SERPINB7: variants seen among roughly 807,000 people sequenced by gnomAD.
SERPINB7 encodes the protein serpin family B member 7, also known as serpin B7.
In SERPINB7, 31 loss-of-function variants were observed where a neutral mutation model predicts 37.4. The observed-to-expected ratio is 0.83, with a 90% CI of 0.62 to 1.12. The LOEUF (loss-of-function observed/expected upper bound fraction) is 1.12, where lower values mean the gene tolerates loss of function less well. Ranked by LOEUF, SERPINB7 falls within the 50% of genes most tolerant of loss-of-function variation. The probability of loss-of-function intolerance (pLI) is 0.00; values close to 1 mark genes in which losing one functional copy is unlikely to be tolerated. For missense variants in SERPINB7, 521 were observed against 455.3 expected (o/e 1.14, Z -1.31); for synonymous variants, 163 against 166.1 (o/e 0.98, Z 0.14).
chr18:63,770,804 A>G (rs1049709991), upstream of SERPINB7, among the ~76,000 whole-genome samples: 1 of 151,992 alleles, frequency 6.6e-6, no homozygotes, highest in African/African-American at 2.4e-5. Context: ...ATAGATTCAT[A>G]TTTAACATAA....
chr18:63,775,086 A>G (rs996926286), upstream of SERPINB7, among the ~76,000 whole-genome samples: 2 of 152,132 alleles, frequency 1.3e-5, no homozygotes, highest in Non-Finnish European at 1.5e-5. Context: ...CACTGTTGTC[A>G]CTGCTATCTT....
chr18:63,781,829 G>A (rs2049303469), intron 1 of SERPINB7, among the ~76,000 whole-genome samples: 1 of 152,044 alleles, frequency 6.6e-6, no homozygotes, highest in Non-Finnish European at 1.5e-5. Context: ...GACCAATGAT[G>A]CATAATACTT....
intron 2 of SERPINB7, among the ~76,000 whole-genome samples, chr18:63,790,748 T>C (rs1490754184): frequency 6.6e-6 from 1 of 152,134 alleles, no homozygotes; most frequent in Non-Finnish European, 1.5e-5. Flanking sequence ...GAAAGAGTTT[T>C]AAGTGTTCAT....
At chr18:63,761,787 A>G (rs185721157) in intron 1 of SERPINB7, among the ~76,000 whole-genome samples, 2 of 152,160 alleles carry the variant, frequency 1.3e-5, no homozygotes, top group African/African-American at 4.8e-5. Flanking sequence ...ACCTCCTGCC[A>G]TGATTATGAG....
At chr18:63,801,546 A>G (rs1720866) in intron 7 of SERPINB7, among the ~76,000 whole-genome samples, 93,177 of 152,050 alleles carry the variant, frequency 0.61, 29,928 homozygotes, top group African/African-American at 0.81. Flanking sequence ...TGGGAGATGA[A>G]GTCACTACTA....
At chr18:63,774,600 T>A (rs1193374131), upstream of SERPINB7, among the ~76,000 whole-genome samples, 2 of 152,100 alleles carry the variant, frequency 1.3e-5, no homozygotes, top group Non-Finnish European at 2.9e-5. Context: ...ACCTGGTCAC[T>A]TTTCAAAGTG....
intron 1 of SERPINB7, among the ~76,000 whole-genome samples, chr18:63,776,570 T>A (rs956107234): frequency 2.0e-5 from 3 of 150,894 alleles, no homozygotes; most frequent in African/African-American, 7.3e-5. Context: ...AGAAACCTTC[T>A]TGTGTGCCTT....
intron 1 of SERPINB7, among the ~76,000 whole-genome samples, chr18:63,753,728 T>C (rs761688659): frequency 2.0e-5 from 3 of 152,230 alleles, no homozygotes; most frequent in Non-Finnish European, 2.9e-5. Context: ...TTGTTGATTA[T>C]AATCAATGAT....
chr18:63,796,183 G>A (rs756040500), intron 4 of SERPINB7, 83 bp from the exon 5 acceptor site: 53 of 738,932 alleles, frequency 7.2e-5, no homozygotes, highest in Middle Eastern at 7.2e-4. Context: ...TAAAGCAGTC[G>A]AAATTAAAAG....
chr18:63,767,999 G>A (rs1300613377), intron 1 of SERPINB7, among the ~76,000 whole-genome samples: 3 of 152,056 alleles, frequency 2.0e-5, no homozygotes, highest in Non-Finnish European at 4.4e-5. Context: ...ATATCTGTGA[G>A]GTCTGTGAAG....
At chr18:63,798,278 C>A (rs1177683434) in intron 5 of SERPINB7, among the ~76,000 whole-genome samples, 1 of 152,114 alleles carries the variant, frequency 6.6e-6, no homozygotes, top group Non-Finnish European at 1.5e-5. Flanking sequence ...AGCAGGGACC[C>A]TGGGGTTGTC....
intron 7 of SERPINB7, among the ~76,000 whole-genome samples, chr18:63,802,017 A>G (rs1190204164): frequency 6.6e-6 from 1 of 152,208 alleles, no homozygotes; most frequent in Non-Finnish European, 1.5e-5. Flanking sequence ...CTTGCTTTAC[A>G]TTCAAACTAT....
chr18:63,803,982 G>A (rs2049577578), intron 7 of SERPINB7, among the ~76,000 whole-genome samples: 2 of 152,180 alleles, frequency 1.3e-5, no homozygotes, highest in African/African-American at 4.8e-5. Flanking sequence ...GGTGAGCAGA[G>A]AGTGGAATTG....
At chr18:63,803,120 A>G (rs756454253) in intron 7 of SERPINB7, among the ~76,000 whole-genome samples, 1 of 152,188 alleles carries the variant, frequency 6.6e-6, no homozygotes, top group Non-Finnish European at 1.5e-5. Flanking sequence ...CTTTTCAGTA[A>G]TAGATTTACC....
At chr18:63,765,743 T>A (rs2049177412) in intron 1 of SERPINB7, among the ~76,000 whole-genome samples, 1 of 152,172 alleles carries the variant, frequency 6.6e-6, no homozygotes, top group Non-Finnish European at 1.5e-5. Context: ...ATGCCTCGAT[T>A]GACATTACAA....
intron 6 of SERPINB7, among the ~76,000 whole-genome samples, chr18:63,798,982 T>C (rs1272924084): frequency 6.6e-6 from 1 of 152,202 alleles, no homozygotes; most frequent in Non-Finnish European, 1.5e-5. Flanking sequence ...TAAAATACAT[T>C]CAAAATTGAA....
intron 1 of SERPINB7, chr18:63,777,836 C>T (rs1008082263): frequency 6.6e-6 from 1 of 150,436 alleles, no homozygotes; most frequent in Non-Finnish European, 1.5e-5. Context: ...GTAAATACTT[C>T]TGAAGTCCAT....
At chr18:63,786,218 A>AAG (rs1225500972) in intron 2 of SERPINB7, among the ~76,000 whole-genome samples, 31 of 130,208 alleles carry the variant, frequency 2.4e-4, no homozygotes, top group Admixed American at 4.9e-4. Context: ...GTGTATATAT[A>AAG]TATATATATA....
intron 4 of SERPINB7, among the ~76,000 whole-genome samples, chr18:63,795,794 C>G (rs1334934269): frequency 6.6e-6 from 1 of 152,094 alleles, no homozygotes; most frequent in Non-Finnish European, 1.5e-5. Context: ...TATCGTGGGA[C>G]AGCAGAGTAA....
Sources: allele counts gnomAD v4.1 joint callset (sites outside exome capture counted in the v4.1 genomes callset), GRCh38; gene constraint gnomAD v4.1.1; transcripts MANE v1.5; gene names NCBI Gene and HGNC (gene_info 2026-07-23, HGNC 2026-07-21).